GANC: variants seen among roughly 807,000 people sequenced by gnomAD.
GANC encodes glucosidase alpha, neutral C, also known as neutral alpha-glucosidase C.
A neutral mutation model predicts 124.2 loss-of-function variants in GANC; 117 were observed. The ratio of observed to expected loss-of-function variants is 0.94; its 90% CI spans 0.81 to 1.10. GANC has a LOEUF of 1.10. Among genes scored for constraint, GANC ranks in the 50% least tolerant of loss-of-function variants. GANC has a pLI of 0.00. For missense variants in GANC, 1,140 were observed against 1,095.0 expected, an observed-to-expected ratio of 1.04 and a Z score of -0.58; for synonymous variants, 377 against 376.8, an observed-to-expected ratio of 1.00 and a Z score of -0.01.
intron 10 of GANC, chr15:42,314,464 G>T: frequency 1.3e-5 from 4 of 314,294 alleles, no homozygotes; most frequent in South Asian, 3.2e-5. Flanking sequence ...TAACTCAGGA[G>T]CTGTTATGGT....
intron 3 of GANC, 81 bp downstream of exon 3, chr15:42,278,671 T>G: frequency 1.0e-6 from 1 of 998,790 alleles, no homozygotes; most frequent in South Asian, 1.5e-5. Context: ...AAGCTATGTA[T>G]GCTTCAAAAA....
intron 22 of GANC, 51 bp from the exon 23 acceptor site, chr15:42,351,278 C>A: frequency 7.5e-7 from 1 of 1,336,360 alleles, no homozygotes. Flanking sequence ...AGCTGGTGGC[C>A]ACTTCAAACC....
chr15:42,296,306 T>C (rs1305271016), intron 5 of GANC, among the ~76,000 whole-genome samples: 1 of 152,206 alleles, frequency 6.6e-6, no homozygotes, highest in African/African-American at 2.4e-5. Flanking sequence ...GTTAGCATAG[T>C]ATATCTTACC....
chr15:42,329,184 C>A, intron 13 of GANC, 122 bp from the exon 14 acceptor site: 2 of 943,784 alleles, frequency 2.1e-6, no homozygotes, highest in Non-Finnish European at 3.2e-6. Flanking sequence ...TATACTCTAG[C>A]AGTGGAGCAG....
At position 42,343,155 on chromosome 15, in the gene GANC, G is replaced by A. The variant is rs770814349; in HGVS notation, c.2229+1G>A. On this transcript the variant is annotated splice_donor_variant, in intron 19 of 23. Transcript: ENST00000318010. LOFTEE classifies it high-confidence loss of function. Reference sequence around the variant, plus strand: ...TGTGTTTCTTCCAGGATCAAATGAGGTAAGAGTAATAACAGCCACATATCT... The same window carrying A: ...TGTGTTTCTTCCAGGATCAAATGAGATAAGAGTAATAACAGCCACATATCT... 6 of 1,613,372 alleles carry A rather than the reference G, an allele frequency of 3.7e-6. No homozygotes were observed. The East Asian group carries it at 1.3e-4, about 36-fold the overall frequency.
chr15:42,286,786 C>T (rs1595764098), intron 3 of GANC, among the ~76,000 whole-genome samples: 2 of 152,206 alleles, frequency 1.3e-5, no homozygotes, highest in East Asian at 3.8e-4. Context: ...TGTACCCATT[C>T]TAAGCTATGT....
chr15:42,320,461 A>T (rs918268672), intron 10 of GANC, among the ~76,000 whole-genome samples: 2 of 151,850 alleles, frequency 1.3e-5, no homozygotes, highest in Non-Finnish European at 1.5e-5. Flanking sequence ...CTCAAATGTG[A>T]GTTTTGAGAC....
At chr15:42,336,606 A>T (rs1225618535) in intron 15 of GANC, among the ~76,000 whole-genome samples, 3 of 152,212 alleles carry the variant, frequency 2.0e-5, no homozygotes, top group Non-Finnish European at 4.4e-5. Flanking sequence ...ACCAAAAACA[A>T]TTGGAACAAA....
In GANC at chr15:42,273,306, C is replaced by T. The variant is rs2051599306; in HGVS notation, c.-1176C>T. On this transcript the variant is annotated 5_prime_UTR_variant, in exon 1 of 24. Coordinates refer to ENST00000318010, the MANE Select transcript of GANC (RefSeq NM_198141.3). ...ACCGGTCGGCAGCAGCTACGGTTGC[C>T]GGTCCCGCACTGAAAAACGACAGTG... The T allele has an allele frequency of 2.5e-6, 4 of 1,614,020 alleles. No individual in the cohort carries two copies. Among genetic ancestry groups the T allele is most frequent in the African/African-American group, 1.3e-5 (1 of 74,928 alleles).
chr15:42,326,826 C>G (rs16973059), intron 12 of GANC, among the ~76,000 whole-genome samples: 13,262 of 152,230 alleles, frequency 0.087, 665 homozygotes, highest in South Asian at 0.18. Flanking sequence ...TTTCATGAGT[C>G]ACCTCAGCCA....
intron 15 of GANC, 98 bp downstream of exon 15, chr15:42,330,770 CTTTTT>C (rs71108160): frequency 5.3e-3 from 1,893 of 357,726 alleles, no homozygotes; most frequent in East Asian, 9.6e-3. Flanking sequence ...CTTCCTTTTC[CTTTTT>C]TTTTTTTTTT....
intron 3 of GANC, among the ~76,000 whole-genome samples, chr15:42,286,403 G>C (rs1050894803): frequency 3.3e-5 from 5 of 152,188 alleles, no homozygotes; most frequent in African/African-American, 1.2e-4. Flanking sequence ...GAATTTGAGA[G>C]AGCAATGGAA....
In GANC at chr15:42,348,099, A is replaced by G. The variant is rs754969651; in HGVS notation, c.2305-4A>G. 4 of 1,575,114 alleles carry G rather than the reference A, an allele frequency of 2.5e-6. No homozygotes were observed. The Admixed American group carries it at 5.3e-5, about 21-fold the overall frequency. ...GCTTCCCTGAGCGTGCTGCTCTGTT[A>G]CAGATTCCAGTGTTTCAGCGAGGTG... On this transcript the variant is annotated splice_region_variant and splice_polypyrimidine_tract_variant and intron_variant, in intron 20 of 23. Transcript: ENST00000318010.
At chr15:42,316,727 G>C (rs1178031987) in intron 10 of GANC, among the ~76,000 whole-genome samples, 4 of 152,176 alleles carry the variant, frequency 2.6e-5, no homozygotes. Context: ...TGGTGGAGCA[G>C]AGTGTTCCCT....
chr15:42,317,850 G>C (rs1471876831), intron 10 of GANC, among the ~76,000 whole-genome samples: 1 of 152,160 alleles, frequency 6.6e-6, no homozygotes, highest in African/African-American at 2.4e-5. Context: ...TAGTGAGAAT[G>C]CTGGTTTATG....
At chr15:42,310,201 A>T in intron 8 of GANC, 82 bp from the exon 9 acceptor site, 1 of 1,070,972 alleles carries the variant, frequency 9.3e-7, no homozygotes, top group Non-Finnish European at 1.3e-6. Flanking sequence ...CTAAGTGTTT[A>T]GAGAGAAGAG....
Position 42,352,771 on chromosome 15 carries a change from A to C in GANC, c.*632A>C, listed in dbSNP as rs767151884. 1.0e-6 allele frequency: 1 copy of C among 970,508 alleles called. No homozygotes were observed. The highest frequency in any genetic ancestry group is 1.2e-6 in the Non-Finnish European group (1 of 816,094). 60.1% of individuals were successfully genotyped at this position (970,508 alleles called of 1,614,324 possible). A position where few individuals can be genotyped will look rare whatever the true frequency, so the allele number is the denominator to read the frequency against. On this transcript the variant is annotated 3_prime_UTR_variant, in exon 24 of 24. Transcript: ENST00000318010. Reference sequence around the variant, plus strand: ...TAATCTTAAAATCCATGTCTTTTACATTGTTTTTTTAATTAAGTGCTGTTT... The same window carrying C: ...TAATCTTAAAATCCATGTCTTTTACCTTGTTTTTTTAATTAAGTGCTGTTT...
chr15:42,289,499 G>A (rs901589171), intron 4 of GANC, among the ~76,000 whole-genome samples: 3 of 152,046 alleles, frequency 2.0e-5, no homozygotes, highest in African/African-American at 7.2e-5. Context: ...AACCCTTCCC[G>A]TGATGTTGTA....
At chr15:42,295,720 A>G (rs1028611463) in intron 5 of GANC, among the ~76,000 whole-genome samples, 5 of 151,668 alleles carry the variant, frequency 3.3e-5, no homozygotes, top group Non-Finnish European at 7.4e-5. Flanking sequence ...AAGGACTTCC[A>G]GTTTCCCGTC....
Sources: gnomAD v4.1 joint callset for allele counts (sites outside exome capture counted in the v4.1 genomes callset) on GRCh38, gnomAD v4.1.1 for gene constraint, MANE v1.5 for transcripts, NCBI Gene and HGNC (gene_info 2026-07-23, HGNC 2026-07-21) for gene names.